The following CDH12 variants were observed in gnomAD, a reference collection of about 807,000 sequenced individuals.
CDH12 encodes cadherin 12, also known as cadherin-12.
A neutral mutation model predicts 74.1 loss-of-function variants in CDH12; 41 were observed. That is an observed-to-expected ratio of 0.55 (90% CI 0.43 to 0.72). CDH12 has a LOEUF of 0.72. Among genes scored for constraint, CDH12 ranks in the 30% least tolerant of loss-of-function variants. CDH12 has a pLI of 0.00. For synonymous variants in CDH12, 399 were observed against 355.0 expected, an observed-to-expected ratio of 1.12 and a Z score of -1.39; for missense variants, 945 against 977.2, an observed-to-expected ratio of 0.97 and a Z score of 0.44.
At chr5:22,695,744 C>T (rs1276996364) in intron 1 of CDH12, among the ~76,000 whole-genome samples, 1 of 152,036 alleles carries the variant, frequency 6.6e-6, no homozygotes, top group Non-Finnish European at 1.5e-5. Context: ...TTGGCATTTG[C>T]ATAACATTTT....
chr5:22,373,757 A>G (rs971766389), intron 3 of CDH12, among the ~76,000 whole-genome samples: 1 of 152,200 alleles, frequency 6.6e-6, no homozygotes, highest in Non-Finnish European at 1.5e-5. Context: ...TGCCCTACCA[A>G]CCAACAACAT....
chr5:22,148,091 T>C (rs1328645818), intron 4 of CDH12, among the ~76,000 whole-genome samples: 1 of 152,188 alleles, frequency 6.6e-6, no homozygotes, highest in African/African-American at 2.4e-5. Context: ...TGTGTTCCTG[T>C]ACAGCGCCCC....
rs1738628945 is a variant in CDH12, at chr5:22,316,226, G to A, written c.-333+89031C>T. On this transcript the variant is annotated intron_variant, in intron 3 of 14. Coordinates refer to ENST00000382254, the MANE Select transcript of CDH12 (RefSeq NM_004061.5). ...GACTAAAAAAAAGAGAATGCTAAGA[G>A]TTTTTTTTTTTTTGGTTTTGTATTA... 2.8e-5 allele frequency among the ~76,000 whole-genome samples: 4 copies of A among 140,740 alleles called. No homozygotes were observed. In the South Asian group the frequency reaches 9.0e-4, roughly 32 times the overall value. The allele number at this position is 140,740 out of a possible 152,430, so 92.3% of individuals were successfully genotyped here. A position where few individuals can be genotyped will look rare whatever the true frequency, so the allele number is the denominator to read the frequency against.
At chr5:22,391,589 TA>T (rs1412348933) in intron 3 of CDH12, among the ~76,000 whole-genome samples, 1 of 152,158 alleles carries the variant, frequency 6.6e-6, no homozygotes, top group East Asian at 1.9e-4. Flanking sequence ...AAATATATGC[TA>T]AATAGTAAAT....
chr5:22,690,622 G>A (rs970336058), intron 1 of CDH12, among the ~76,000 whole-genome samples: 1 of 152,094 alleles, frequency 6.6e-6, no homozygotes, highest in African/African-American at 2.4e-5. Flanking sequence ...AGATAAATGA[G>A]CTGAAAAATA....
intron 6 of CDH12, among the ~76,000 whole-genome samples, chr5:21,936,707 G>A (rs1198170502): frequency 6.6e-6 from 1 of 152,126 alleles, no homozygotes; most frequent in Non-Finnish European, 1.5e-5. Context: ...ATCTCAACTC[G>A]AATTGTAATC....
intron 6 of CDH12, among the ~76,000 whole-genome samples, chr5:21,867,671 T>C (rs1561255477): frequency 6.6e-6 from 1 of 152,228 alleles, no homozygotes. Flanking sequence ...ATATCCCCAT[T>C]GTATCTAGGA....
intron 1 of CDH12, among the ~76,000 whole-genome samples, chr5:22,675,870 C>CATATATATATATATATATAT (rs144687047): frequency 0.014 from 1,256 of 92,080 alleles, 90 homozygotes; most frequent in African/African-American, 0.027. Flanking sequence ...TTTTGTATCT[C>CATATATATATATATATATAT]ATATATATAT....
At chr5:22,572,407 C>T (rs935998903) in intron 1 of CDH12, among the ~76,000 whole-genome samples, 5 of 152,102 alleles carry the variant, frequency 3.3e-5, no homozygotes, top group African/African-American at 1.2e-4. Flanking sequence ...CTCTTCATTA[C>T]TTAAATGCAA....
chr5:22,085,726 G>A (rs576445187), intron 4 of CDH12, among the ~76,000 whole-genome samples: 76 of 151,852 alleles, frequency 5.0e-4, no homozygotes, highest in African/African-American at 1.8e-3. Context: ...CATAACTTAC[G>A]TAATCCAAAA....
At position 22,136,031 on chromosome 5, in the gene CDH12, TA is replaced by T. The variant is rs1314658696; in HGVS notation, c.-186-57170del. On this transcript the variant is annotated intron_variant, in intron 4 of 14. Coordinates refer to ENST00000382254, the MANE Select transcript of CDH12 (RefSeq NM_004061.5). ...TCTCAAACACTTTGGAATTGAAGAA[TA>T]AACTAAACAGAAGAAAATCTGACCC... Among the ~76,000 whole-genome samples the T allele has an allele frequency of 5.7e-4, 87 of 152,070 alleles. 1 individual carries two copies. Among genetic ancestry groups the T allele is most frequent in the African/African-American group, 2.0e-3 (84 of 41,500 alleles).
intron 2 of CDH12, among the ~76,000 whole-genome samples, chr5:22,413,958 A>G (rs1743272920): frequency 6.6e-6 from 1 of 151,990 alleles, no homozygotes; most frequent in Non-Finnish European, 1.5e-5. Flanking sequence ...CTTTTCAAAA[A>G]CTTTTAAATA....
chr5:22,274,660 T>C (rs1736544688), intron 3 of CDH12, among the ~76,000 whole-genome samples: 1 of 152,100 alleles, frequency 6.6e-6, no homozygotes, highest in African/African-American at 2.4e-5. Flanking sequence ...CCAATATATA[T>C]ATAATATGCA....
intron 4 of CDH12, among the ~76,000 whole-genome samples, chr5:22,083,884 A>T (rs190600558): frequency 1.3e-5 from 2 of 152,188 alleles, no homozygotes; most frequent in Non-Finnish European, 2.9e-5. Context: ...GTTATTTTTC[A>T]AAACCTAAGC....
At chr5:22,234,013 C>T (rs1374532638) in intron 3 of CDH12, among the ~76,000 whole-genome samples, 1 of 152,140 alleles carries the variant, frequency 6.6e-6, no homozygotes, top group Non-Finnish European at 1.5e-5. Flanking sequence ...TGTACATTTT[C>T]AAAGTCTGAC....
intron 10 of CDH12, among the ~76,000 whole-genome samples, chr5:21,800,929 C>G (rs867407854): frequency 3.3e-5 from 5 of 152,180 alleles, no homozygotes; most frequent in Admixed American, 2.0e-4. Context: ...TTTCCTGAGG[C>G]CTCCCCAGGC....
chr5:21,894,758 C>T (rs1753046714), intron 6 of CDH12, among the ~76,000 whole-genome samples: 1 of 152,032 alleles, frequency 6.6e-6, no homozygotes. Flanking sequence ...GTTTATTTAT[C>T]TTTCATCTGT....
chr5:22,143,754 A>G (rs1389887231), intron 4 of CDH12: 1 of 152,232 alleles, frequency 6.6e-6, no homozygotes, highest in Non-Finnish European at 1.5e-5. Flanking sequence ...GTAGAAGAAA[A>G]AAAATCTTTC....
chr5:22,445,951 C>T (rs1453090707), intron 2 of CDH12, among the ~76,000 whole-genome samples: 1 of 152,128 alleles, frequency 6.6e-6, no homozygotes, highest in African/African-American at 2.4e-5. Context: ...TTTCATGGTA[C>T]ACTTCTAGCA....
Sources: gnomAD v4.1 joint callset for allele counts (sites outside exome capture counted in the v4.1 genomes callset) on GRCh38, gnomAD v4.1.1 for gene constraint, MANE v1.5 for transcripts, NCBI Gene and HGNC (gene_info 2026-07-23, HGNC 2026-07-21) for gene names.